The following ADAMTS15 variants were observed in gnomAD, a reference collection of about 807,000 sequenced individuals.
The protein encoded by ADAMTS15 is A disintegrin and metalloproteinase with thrombospondin motifs 15.
Under a neutral mutation model 79.1 loss-of-function variants are expected in ADAMTS15, and 35 were observed. The observed-to-expected ratio is 0.44, with a 90% CI of 0.34 to 0.59. The LOEUF is 0.59. ADAMTS15 is among the 20% of genes least tolerant of loss of function. The pLI is 0.02. For synonymous variants in ADAMTS15, 616 were observed against 567.3 expected, an observed-to-expected ratio of 1.09 and a Z score of -1.22; for missense variants, 1,324 against 1,318.7, an observed-to-expected ratio of 1.00 and a Z score of -0.06.
chr11:130,448,893 G>C lies in ADAMTS15; in HGVS notation c.-81G>C. 8.8e-7 allele frequency: 1 copy of C among 1,140,754 alleles called. No individual in the cohort carries two copies. Among genetic ancestry groups the C allele is most frequent in the Non-Finnish European group, 1.2e-6 (1 of 853,556 alleles). 70.7% of individuals were successfully genotyped at this position (1,140,754 alleles called of 1,614,324 possible). On this transcript the variant is annotated 5_prime_UTR_variant, in exon 1 of 8. Transcript: ENST00000299164. Reference sequence around the variant, plus strand: ...CGTAGCGTTGGCGGTTCCAGAGTGCGGGCTGCACGGAGACCGCGGCAGCGG... The same window carrying C: ...CGTAGCGTTGGCGGTTCCAGAGTGCCGGCTGCACGGAGACCGCGGCAGCGG...
intron 1 of ADAMTS15, among the ~76,000 whole-genome samples, chr11:130,459,275 G>T (rs534122000): frequency 3.9e-5 from 6 of 152,168 alleles, no homozygotes; most frequent in African/African-American, 1.4e-4. Flanking sequence ...CAGGAGAATC[G>T]CTTGAACCTG....
Position 130,469,320 on chromosome 11 carries a change from G to A in ADAMTS15, c.1601G>A (p.Gly534Glu), listed in dbSNP as rs1938373296. 1.4e-6 allele frequency: 2 copies of A among 1,393,090 alleles called. No individual in the cohort carries two copies. The highest frequency in any genetic ancestry group is 2.9e-5 in the Admixed American group (1 of 33,976). 86.3% of individuals were successfully genotyped at this position (1,393,090 alleles called of 1,614,324 possible). A position where few individuals can be genotyped will look rare whatever the true frequency, so the allele number is the denominator to read the frequency against. The change falls in exon 5 of 8, where the codon GGG becomes GAG. Residue 534 changes from glycine to glutamate, a missense_variant. Gly to Glu is a moderately conservative substitution (Grantham distance 98). Transcript: ENST00000299164. ...PYGPCSRTCG[G>E]GVQLARRQCT... is the part of the protein sequence containing the mutation. ...GGCCCCTGCTCGCGCACATGTGGTG[G>A]GGGCGTGCAGCTGGCCAGGAGGCAG...
intron 1 of ADAMTS15, among the ~76,000 whole-genome samples, chr11:130,454,802 T>C (rs1270291823): frequency 1.3e-5 from 2 of 152,156 alleles, no homozygotes; most frequent in Non-Finnish European, 2.9e-5. Context: ...TGTCAGCAGA[T>C]GGGGGAGGAA....
chr11:130,458,358 C>T (rs1229252416), intron 1 of ADAMTS15, among the ~76,000 whole-genome samples: 1 of 152,226 alleles, frequency 6.6e-6, no homozygotes, highest in African/African-American at 2.4e-5. Flanking sequence ...CTGCATCCTG[C>T]CTGGTCTAGG....
At position 130,472,247 on chromosome 11, in the gene ADAMTS15, G is replaced by A. The variant is rs80147560; in HGVS notation, c.2079-800G>A. Among the ~76,000 whole-genome samples the A allele has an allele frequency of 7.3e-3, 1,118 of 152,328 alleles. 14 individuals carry two copies. The highest frequency in any genetic ancestry group is 0.025 in the African/African-American group (1,037 of 41,556). On this transcript the variant is annotated intron_variant, in intron 7 of 7. Transcript: ENST00000299164. This position sits in a 1 kb window ranked among gnomAD's most constrained non-coding sequence, Gnocchi z 4.7. ...ATGGCTGTCCTGGAGCCTTGACTGT[G>A]CCCCTGGACACGTCGCCCTCTCCTG...
chr11:130,456,434 A>G (rs1237124347), intron 1 of ADAMTS15, among the ~76,000 whole-genome samples: 2 of 152,234 alleles, frequency 1.3e-5, no homozygotes, highest in Non-Finnish European at 1.5e-5. Flanking sequence ...AGAATCTGCC[A>G]GTAGAAGTAA....
In ADAMTS15 at chr11:130,474,195, T is replaced by C. The variant is rs1477710925; in HGVS notation, c.*374T>C. On this transcript the variant is annotated 3_prime_UTR_variant, in exon 8 of 8. Coordinates refer to ENST00000299164, the MANE Select transcript of ADAMTS15 (RefSeq NM_139055.4). ...AGGCCACAGGCTGCTGGAAGAGCCATGTCCCAGCAGCTTGGCACCCTCAGG... is the reference window on the plus strand; with the variant it reads ...AGGCCACAGGCTGCTGGAAGAGCCACGTCCCAGCAGCTTGGCACCCTCAGG... The C allele has an allele frequency of 4.6e-6, 1 of 216,226 alleles. No homozygotes were observed. The highest frequency in any genetic ancestry group is 2.3e-5 in the African/African-American group (1 of 44,048). 13.4% of individuals were successfully genotyped at this position (216,226 alleles called of 1,614,324 possible).
intron 4 of ADAMTS15, among the ~76,000 whole-genome samples, chr11:130,468,237 A>G (rs954063478): frequency 1.3e-5 from 2 of 152,156 alleles, no homozygotes; most frequent in African/African-American, 4.8e-5. Context: ...GAGTATTAGT[A>G]TTATCAAACC....
At chr11:130,451,252 C>T (rs1338170871) in intron 1 of ADAMTS15, among the ~76,000 whole-genome samples, 1 of 152,184 alleles carries the variant, frequency 6.6e-6, no homozygotes, top group Admixed American at 6.5e-5. Flanking sequence ...CTCTAACTCT[C>T]CACTGTTTCC....
At chr11:130,451,841 G>T (rs1937967802) in intron 1 of ADAMTS15, among the ~76,000 whole-genome samples, 1 of 152,174 alleles carries the variant, frequency 6.6e-6, no homozygotes, top group South Asian at 2.1e-4. Context: ...ATTTCTCAGT[G>T]GTGTGTGCTC....
chr11:130,455,712 AG>A (rs1356695135), intron 1 of ADAMTS15, among the ~76,000 whole-genome samples: 2 of 152,146 alleles, frequency 1.3e-5, no homozygotes, highest in Admixed American at 1.3e-4. Flanking sequence ...GGCTCCAGAG[AG>A]GTGTGTGTTT....
chr11:130,460,704 AC>A (rs1355785666), intron 1 of ADAMTS15, among the ~76,000 whole-genome samples: 1 of 152,084 alleles, frequency 6.6e-6, no homozygotes, highest in South Asian at 2.1e-4. Context: ...TGAGATATCC[AC>A]CCCGGAAGCC....
At chr11:130,465,798 G>A (rs1298493760) in intron 4 of ADAMTS15, among the ~76,000 whole-genome samples, 1 of 150,736 alleles carries the variant, frequency 6.6e-6, no homozygotes, top group African/African-American at 2.5e-5. Flanking sequence ...TCCTCCTCAC[G>A]CTGCCCCTCC....
At position 130,449,404 on chromosome 11, in the gene ADAMTS15, C is replaced by T; in HGVS notation, c.431C>T (p.Ala144Val). ...YVISPLPNAS[A>V]PAAQRNSQGA... is the part of the protein sequence containing the mutation. The stretch of plus-strand genomic sequence containing the variant: ...ATTAGCCCGCTGCCCAATGCTAGCG[C>T]GCCGGCGGCGCAGCGCAACAGCCAG... Residue 144 changes from alanine (A) to valine (V), a missense_variant, in exon 1 of 8, where the codon GCG (alanine) becomes GTG (valine). Transcript: ENST00000299164. This position sits in a 1 kb window ranked among gnomAD's most constrained non-coding sequence, Gnocchi z 7.8. 6.3e-7 allele frequency: 1 copy of T among 1,598,438 alleles called. No individual in the cohort carries two copies. Among genetic ancestry groups the T allele is most frequent in the South Asian group, 1.1e-5 (1 of 90,984 alleles).
intron 1 of ADAMTS15, among the ~76,000 whole-genome samples, chr11:130,452,367 G>GGTCA (rs1937982409): frequency 6.6e-6 from 1 of 152,210 alleles, no homozygotes; most frequent in Admixed American, 6.5e-5. Context: ...AGCAGGGTGA[G>GGTCA]GTCAGCACAG....
Position 130,449,622 on chromosome 11 carries a change from C to T in ADAMTS15, c.649C>T (p.Pro217Ser). The T allele has an allele frequency of 6.2e-7, 1 of 1,605,314 alleles. No individual in the cohort carries two copies. Among genetic ancestry groups the T allele is most frequent in the African/African-American group, 1.3e-5 (1 of 74,952 alleles). ...SGRAKRFVSI[P>S]RYVETLVVAD... ...GCGCGCCAAGCGTTTCGTGTCTATC[C>T]CGCGGTACGTGGAGACGCTGGTGGT... is the stretch of plus-strand genomic sequence containing the variant. The change falls in exon 1 of 8, where the codon CCG (proline) becomes TCG (serine). Residue 217 changes from proline to serine, a missense_variant. Pro to Ser is a moderately conservative substitution (Grantham distance 74). Transcript: ENST00000299164. This position sits in a 1 kb window ranked among gnomAD's most constrained non-coding sequence, Gnocchi z 7.8.
chr11:130,450,639 T>C (rs1003544888), intron 1 of ADAMTS15, among the ~76,000 whole-genome samples: 2 of 152,228 alleles, frequency 1.3e-5, no homozygotes, highest in African/African-American at 4.8e-5. Flanking sequence ...TGTTTGGAGC[T>C]GAGACTGTTT....
intron 4 of ADAMTS15, among the ~76,000 whole-genome samples, chr11:130,466,499 C>A (rs983460072): frequency 5.3e-5 from 8 of 152,190 alleles, no homozygotes; most frequent in Admixed American, 4.6e-4. Context: ...GTTTCTCTCA[C>A]ATGCTTCACA....
In ADAMTS15 at chr11:130,461,613, A is replaced by G; in HGVS notation, c.1082A>G (p.His361Arg). The change falls in exon 2 of 8, where the codon CAC becomes CGC. Residue 361 changes from histidine (H) to arginine (R), a missense_variant. By Grantham distance (29) the His-to-Arg change is conservative (BLOSUM62 0). Coordinates refer to ENST00000299164, the MANE Select transcript of ADAMTS15 (RefSeq NM_139055.4). ...CTTCCATCAGCCTTCACCACTGCCC[A>G]CGAGCTGGGTAAGGCTGGATAAGCT... Reference protein sequence around the residue: ...DGLPSAFTTAHELGHVFNMPH... With the variant: ...DGLPSAFTTARELGHVFNMPH... 6.2e-7 allele frequency: 1 copy of G among 1,614,106 alleles called. No homozygotes were observed. Among genetic ancestry groups the G allele is most frequent in the Non-Finnish European group, 8.5e-7 (1 of 1,180,012 alleles).
Sources: gnomAD v4.1 joint callset for allele counts (sites outside exome capture counted in the v4.1 genomes callset) on GRCh38, gnomAD v4.1.1 for gene constraint, Gnocchi (gnomAD v3.1) non-coding constraint, MANE v1.5 for transcripts, NCBI Gene and HGNC (gene_info 2026-07-23, HGNC 2026-07-21) for gene names.